The following MLLT1 variants were observed in gnomAD, a reference collection of about 807,000 sequenced individuals.
MLLT1 encodes the protein protein ENL.
Under a neutral mutation model 55.1 loss-of-function variants are expected in MLLT1, and 11 were observed. The ratio of observed to expected loss-of-function variants is 0.20; its 90% CI spans 0.13 to 0.33. The LOEUF is 0.33. MLLT1 is among the 10% of genes least tolerant of loss of function. The probability of loss-of-function intolerance (pLI) is 1.00; values close to 1 mark genes in which losing one functional copy is unlikely to be tolerated. For synonymous variants in MLLT1, 323 were observed against 320.1 expected (o/e 1.01, Z -0.10); for missense variants, 536 against 760.6 (o/e 0.70, Z 3.47).
chr19:6,238,787 A>G (rs1464705227), intron 3 of MLLT1, among the ~76,000 whole-genome samples: 1 of 152,128 alleles, frequency 6.6e-6, no homozygotes, highest in African/African-American at 2.4e-5. Flanking sequence ...TCCGGCCAGC[A>G]GCAAACGCCT....
At position 6,213,951 on chromosome 19, in the gene MLLT1, C is replaced by G; in HGVS notation, c.1395G>C (p.Pro465=). 1 of 1,310,330 alleles carries G rather than the reference C, an allele frequency of 7.6e-7. No individual in the cohort carries two copies. Among genetic ancestry groups the G allele is most frequent in the Non-Finnish European group, 1.0e-6 (1 of 973,576 alleles). 81.2% of individuals were successfully genotyped at this position (1,310,330 alleles called of 1,614,324 possible). The change falls in exon 9 of 12, where the codon CCG becomes CCC. Residue 465 remains proline (P), a synonymous_variant. Transcript: ENST00000252674. Reference sequence around the variant, plus strand: ...GCCCCAGGCTCACCTTGCTGTTGGGCGGGGGTGGCTTCTGGGGGGGTGGGG... The same window carrying G: ...GCCCCAGGCTCACCTTGCTGTTGGGGGGGGGTGGCTTCTGGGGGGGTGGGG... ...REPPPPQKPP[P]PNSKVSGRRS...
intron 3 of MLLT1, among the ~76,000 whole-genome samples, chr19:6,260,621 G>C (rs1470595687): frequency 1.3e-5 from 2 of 152,276 alleles, no homozygotes; most frequent in Non-Finnish European, 2.9e-5. Context: ...AAGTAGAATG[G>C]ATGCCACCAG....
Position 6,230,729 on chromosome 19 carries a change from C to G in MLLT1, c.277-16G>C. 1.2e-6 allele frequency: 2 copies of G among 1,613,660 alleles called. No individual in the cohort carries two copies. The highest frequency in any genetic ancestry group is 1.7e-6 in the Non-Finnish European group (2 of 1,179,826). On this transcript the variant is annotated splice_polypyrimidine_tract_variant and intron_variant, in intron 3 of 11. Coordinates refer to ENST00000252674, the MANE Select transcript of MLLT1 (RefSeq NM_005934.4). The surrounding 1 kb of genome is among the most constrained non-coding windows in gnomAD (Gnocchi z 9.0). ...TCGGCTCCTCCTGAAACAGAGAAAACAAGAAAGTCTGCATCAGAGGGTGGC... is the reference window on the plus strand; with the variant it reads ...TCGGCTCCTCCTGAAACAGAGAAAAGAAGAAAGTCTGCATCAGAGGGTGGC...
chr19:6,239,621 CCA>C (rs1402315200), intron 3 of MLLT1, among the ~76,000 whole-genome samples: 2 of 152,136 alleles, frequency 1.3e-5, no homozygotes, highest in East Asian at 1.9e-4. Flanking sequence ...ACACACCCAC[CCA>C]CACACCCATG....
chr19:6,212,295 C>T lies in MLLT1; in HGVS notation c.*747G>A, dbSNP rs139146982. The T allele has an allele frequency of 7.8e-5, 83 of 1,065,736 alleles. No homozygotes were observed. In the East Asian group the frequency reaches 2.0e-3, roughly 26 times the overall value. The allele number at this position is 1,065,736 out of a possible 1,614,324, so 66.0% of individuals were successfully genotyped here. On this transcript the variant is annotated 3_prime_UTR_variant, in exon 12 of 12. Coordinates refer to ENST00000252674, the MANE Select transcript of MLLT1 (RefSeq NM_005934.4). The stretch of plus-strand genomic sequence containing the variant: ...GTAGGAGGCGGCGGCATCCTTGGAA[C>T]GGCAAAGGGAGAATTCCTCCATGCG...
At position 6,229,553 on chromosome 19, in the gene MLLT1, C is replaced by T. The variant is rs1327184502; in HGVS notation, c.420+1017G>A. On this transcript the variant is annotated intron_variant, in intron 4 of 11. Transcript: ENST00000252674. The surrounding 1 kb of genome is among the most constrained non-coding windows in gnomAD (Gnocchi z 5.2). ...CACACCTGACACATTCACATACTCC[C>T]CATAACACACGTCACACCATACGTG... 1.3e-5 allele frequency among the ~76,000 whole-genome samples: 2 copies of T among 151,972 alleles called. No homozygotes were observed. Among genetic ancestry groups the T allele is most frequent in the Non-Finnish European group, 2.9e-5 (2 of 67,978 alleles).
At position 6,227,215 on chromosome 19, in the gene MLLT1, G is replaced by A. The variant is rs1427197284; in HGVS notation, c.421-113C>T. On this transcript the variant is annotated intron_variant, in intron 4 of 11. Transcript: ENST00000252674. The surrounding 1 kb of genome is among the most constrained non-coding windows in gnomAD (Gnocchi z 5.1). ...TGCAGGAGGGGAGAAGGGAGAGCCTGAGCGCTTTCCCGAAAGAATCCCAGG... is the reference window on the plus strand; with the variant it reads ...TGCAGGAGGGGAGAAGGGAGAGCCTAAGCGCTTTCCCGAAAGAATCCCAGG... The A allele has an allele frequency of 4.3e-6, 5 of 1,167,068 alleles. No individual in the cohort carries two copies. Among genetic ancestry groups the A allele is most frequent in the Non-Finnish European group, 4.7e-6 (4 of 846,878 alleles). The allele number at this position is 1,167,068 out of a possible 1,614,324, so 72.3% of individuals were successfully genotyped here.
At position 6,270,870 on chromosome 19, in the gene MLLT1, C is replaced by CACTGGGTTGAGAGCGTAT; in HGVS notation, c.13-112_13-111insATACGCTCTCAACCCAGT. The CACTGGGTTGAGAGCGTAT allele has an allele frequency of 9.6e-7, 1 of 1,036,344 alleles. No individual in the cohort carries two copies. Among genetic ancestry groups the CACTGGGTTGAGAGCGTAT allele is most frequent in the Non-Finnish European group, 1.4e-6 (1 of 729,588 alleles). 64.2% of individuals were successfully genotyped at this position (1,036,344 alleles called of 1,614,324 possible). A position where few individuals can be genotyped will look rare whatever the true frequency, so the allele number is the denominator to read the frequency against. ...AAGACCCCCAGCAGTGCAATACGCT[C>CACTGGGTTGAGAGCGTAT]TCAACCCAGTGAGCAGCACACAGAC... is the stretch of plus-strand genomic sequence containing the variant. On this transcript the variant is annotated intron_variant, in intron 1 of 11. Transcript: ENST00000252674. This position sits in a 1 kb window ranked among gnomAD's most constrained non-coding sequence, Gnocchi z 7.1.
At chr19:6,260,870 G>C (rs973504584) in intron 3 of MLLT1, among the ~76,000 whole-genome samples, 3 of 152,206 alleles carry the variant, frequency 2.0e-5, no homozygotes, top group African/African-American at 4.8e-5. Context: ...AAAATGCCTT[G>C]CTGGCCCAAA....
chr19:6,214,070 C>A, intron 8 of MLLT1, 32 bp from the exon 9 acceptor site: 1 of 1,339,630 alleles, frequency 7.5e-7, no homozygotes, highest in South Asian at 1.8e-5. Flanking sequence ...CATCAGGCCC[C>A]TGCCGCCACC....
chr19:6,250,426 C>G (rs1347694553), intron 3 of MLLT1, among the ~76,000 whole-genome samples: 1 of 152,218 alleles, frequency 6.6e-6, no homozygotes, highest in Non-Finnish European at 1.5e-5. Context: ...GGTATACAGT[C>G]ATCCCTCAGA....
intron 6 of MLLT1, among the ~76,000 whole-genome samples, chr19:6,221,660 C>T (rs1244193086): frequency 6.6e-6 from 1 of 152,228 alleles, no homozygotes; most frequent in Non-Finnish European, 1.5e-5. Flanking sequence ...TAGGGGCTGT[C>T]TGAAGCCCTC....
Position 6,229,459 on chromosome 19 carries a change from G to A in MLLT1, c.420+1111C>T, listed in dbSNP as rs539129073. Among the ~76,000 whole-genome samples the A allele has an allele frequency of 1.6e-4, 25 of 151,942 alleles. No individual in the cohort carries two copies. The highest frequency in any genetic ancestry group is 2.8e-4 in the Non-Finnish European group (19 of 67,980). ...TCCCCAGCCTGACACCCACAGCCAC[G>A]GTGCCCCAAATCCACTCAGGAGGCG... On this transcript the variant is annotated intron_variant, in intron 4 of 11. Transcript: ENST00000252674. This position sits in a 1 kb window ranked among gnomAD's most constrained non-coding sequence, Gnocchi z 5.2.
intron 3 of MLLT1, among the ~76,000 whole-genome samples, chr19:6,232,321 C>T (rs962294318): frequency 4.6e-5 from 7 of 152,144 alleles, no homozygotes; most frequent in Admixed American, 6.5e-5. Flanking sequence ...ACAAGGGTGA[C>T]GACACCACTC....
chr19:6,277,537 C>T (rs2091433916), intron 1 of MLLT1, among the ~76,000 whole-genome samples: 1 of 152,152 alleles, frequency 6.6e-6, no homozygotes, highest in Non-Finnish European at 1.5e-5. Flanking sequence ...GACTGTGGTA[C>T]CGGGCAGTGC....
chr19:6,242,065 G>A (rs2091118979), intron 3 of MLLT1, among the ~76,000 whole-genome samples: 1 of 152,248 alleles, frequency 6.6e-6, no homozygotes, highest in South Asian at 2.1e-4. Flanking sequence ...AGCAGGTCAG[G>A]GGCAAGGGGA....
chr19:6,261,995 C>A (rs752631811), intron 3 of MLLT1, among the ~76,000 whole-genome samples: 1 of 152,164 alleles, frequency 6.6e-6, no homozygotes, highest in Non-Finnish European at 1.5e-5. Context: ...CCAGCAGCTC[C>A]CCTAGAGAAG....
In MLLT1 at chr19:6,256,427, C is replaced by G. The variant is rs1380698445; in HGVS notation, c.276+5801G>C. 6.6e-6 allele frequency among the ~76,000 whole-genome samples: 1 copy of G among 151,804 alleles called. No individual in the cohort carries two copies. The highest frequency in any genetic ancestry group is 1.9e-4 in the East Asian group (1 of 5,162). ...TGAGCCATGATTGCACCACTGCACT[C>G]CAGCCTGGGTGATAGAGCAAGACTC... On this transcript the variant is annotated intron_variant, in intron 3 of 11. Coordinates refer to ENST00000252674, the MANE Select transcript of MLLT1 (RefSeq NM_005934.4). This position sits in a 1 kb window ranked among gnomAD's most constrained non-coding sequence, Gnocchi z 4.1.
At chr19:6,239,526 C>T (rs894891535) in intron 3 of MLLT1, among the ~76,000 whole-genome samples, 4 of 152,190 alleles carry the variant, frequency 2.6e-5, no homozygotes, top group Admixed American at 1.3e-4. Context: ...GTGAGTCACA[C>T]TCACGCCCAC....
Sources: gnomAD v4.1 joint callset for allele counts (sites outside exome capture counted in the v4.1 genomes callset) on GRCh38, gnomAD v4.1.1 for gene constraint, Gnocchi (gnomAD v3.1) non-coding constraint, MANE v1.5 for transcripts, NCBI Gene and HGNC (gene_info 2026-07-23, HGNC 2026-07-21) for gene names.